The following GABRG3 variants were observed in gnomAD, a reference collection of about 807,000 sequenced individuals.
GABRG3 encodes gamma-aminobutyric acid type A receptor subunit gamma3.
Under a neutral mutation model 48.8 loss-of-function variants are expected in GABRG3, and 25 were observed. The ratio of observed to expected loss-of-function variants is 0.51; its 90% confidence interval spans 0.37 to 0.72. The LOEUF is 0.72. Ranked by LOEUF, GABRG3 falls within the 30% of genes least tolerant of loss-of-function variation. The pLI is 0.00. For missense variants in GABRG3, 394 were observed against 577.9 expected (o/e 0.68, Z 3.26); for synonymous variants, 227 against 217.6 (o/e 1.04, Z -0.38).
intron 3 of GABRG3, among the ~76,000 whole-genome samples, chr15:27,197,679 A>G (rs1398301734): frequency 6.6e-6 from 1 of 152,158 alleles, no homozygotes; most frequent in Non-Finnish European, 1.5e-5. Context: ...TTTTAGAAGG[A>G]ATGGTACCAG....
At chr15:27,036,589 C>G (rs1896182913) in intron 3 of GABRG3, among the ~76,000 whole-genome samples, 1 of 152,104 alleles carries the variant, frequency 6.6e-6, no homozygotes, top group Non-Finnish European at 1.5e-5. Context: ...ACTCAGGAGG[C>G]TGAGGCAGGA....
chr15:27,430,334 C>T (rs927787690), intron 5 of GABRG3, among the ~76,000 whole-genome samples: 3 of 152,110 alleles, frequency 2.0e-5, no homozygotes, highest in African/African-American at 7.2e-5. Flanking sequence ...TAAATAGTTT[C>T]TTGTATTCTG....
chr15:27,453,433 GC>G (rs1566847291), intron 5 of GABRG3, among the ~76,000 whole-genome samples: 1 of 152,090 alleles, frequency 6.6e-6, no homozygotes, highest in Admixed American at 6.5e-5. Flanking sequence ...ATTATATAAA[GC>G]TAGAAGAATA....
intron 5 of GABRG3, among the ~76,000 whole-genome samples, chr15:27,370,029 C>T (rs944082210): frequency 2.6e-5 from 4 of 152,044 alleles, no homozygotes; most frequent in African/African-American, 4.8e-5. Context: ...CCTTTTAGCA[C>T]GCTCTAATCA....
At chr15:27,289,087 G>T (rs1187116762) in intron 3 of GABRG3, among the ~76,000 whole-genome samples, 1 of 151,836 alleles carries the variant, frequency 6.6e-6, no homozygotes, top group East Asian at 1.9e-4. Context: ...TTGTTACTGT[G>T]TTTGAGATTT....
chr15:27,213,691 A>G (rs926605493), intron 3 of GABRG3, among the ~76,000 whole-genome samples: 2 of 152,250 alleles, frequency 1.3e-5, no homozygotes, highest in South Asian at 2.1e-4. Flanking sequence ...ACTTATGCAC[A>G]GAGCTTCTTA....
intron 3 of GABRG3, among the ~76,000 whole-genome samples, chr15:27,115,506 A>C (rs1897625590): frequency 6.6e-6 from 1 of 152,140 alleles, no homozygotes; most frequent in African/African-American, 2.4e-5. Context: ...CTCATCAATA[A>C]ACAATGCTGA....
chr15:27,255,027 C>G (rs1890568763), intron 3 of GABRG3, among the ~76,000 whole-genome samples: 1 of 152,196 alleles, frequency 6.6e-6, no homozygotes, highest in African/African-American at 2.4e-5. Context: ...TCTGATCCCT[C>G]TGCTCAGGCC....
chr15:27,379,482 AT>A (rs1895698937), intron 5 of GABRG3, among the ~76,000 whole-genome samples: 2 of 152,202 alleles, frequency 1.3e-5, no homozygotes, highest in Admixed American at 1.3e-4. Context: ...AAAATAAAAT[AT>A]TTTATTGTAT....
intron 9 of GABRG3, among the ~76,000 whole-genome samples, chr15:27,530,216 A>G (rs115956563): frequency 0.03 from 4,512 of 152,240 alleles, 247 homozygotes; most frequent in African/African-American, 0.1. Flanking sequence ...CTTTCCTAAC[A>G]TGTCAAATGC....
intron 3 of GABRG3, among the ~76,000 whole-genome samples, chr15:27,322,947 C>T (rs1343452854): frequency 1.3e-5 from 2 of 152,168 alleles, no homozygotes; most frequent in Non-Finnish European, 2.9e-5. Flanking sequence ...AGTCGCCTGG[C>T]ACAGAATGCA....
At position 27,235,021 on chromosome 15, in the gene GABRG3, G is replaced by C. The variant is rs374049514; in HGVS notation, c.271-91788G>C. Among the ~76,000 whole-genome samples, 4 of 152,228 alleles carry C rather than the reference G, an allele frequency of 2.6e-5. 1 individual carries two copies. Among genetic ancestry groups the C allele is most frequent in the African/African-American group, 9.6e-5 (4 of 41,518 alleles). ...TCTGGCCTGTTGGCTGAGGGCGTGG[G>C]GGGCTGTTTTGATCCCCTTTCTACC... On this transcript the variant is annotated intron_variant, in intron 3 of 9. Transcript: ENST00000615808.
chr15:27,289,573 A>G (rs1242401416), intron 3 of GABRG3, among the ~76,000 whole-genome samples: 1 of 152,222 alleles, frequency 6.6e-6, no homozygotes, highest in Non-Finnish European at 1.5e-5. Context: ...CAAAGAATCT[A>G]GGACTGTACA....
intron 6 of GABRG3, among the ~76,000 whole-genome samples, chr15:27,498,269 C>T (rs372531537): frequency 1.3e-5 from 2 of 152,056 alleles, no homozygotes; most frequent in African/African-American, 2.4e-5. Context: ...GCTGCTTTTA[C>T]GCTACACTTT....
At chr15:27,438,083 G>C (rs1322186049) in intron 5 of GABRG3, among the ~76,000 whole-genome samples, 1 of 152,128 alleles carries the variant, frequency 6.6e-6, no homozygotes, top group Non-Finnish European at 1.5e-5. Context: ...GATTTGGAGG[G>C]GACAAATATC....
At chr15:27,267,072 G>T in intron 3 of GABRG3, among the ~76,000 whole-genome samples, 1 of 147,458 alleles carries the variant, frequency 6.8e-6, no homozygotes, top group East Asian at 2.0e-4. Flanking sequence ...CATTGTTCCT[G>T]ATCTTAGGGG....
intron 3 of GABRG3, among the ~76,000 whole-genome samples, chr15:27,324,494 C>G (rs998637164): frequency 6.6e-6 from 1 of 152,196 alleles, no homozygotes; most frequent in African/African-American, 2.4e-5. Flanking sequence ...CCTCCATTGT[C>G]TGGGAATATA....
chr15:27,463,970 G>A (rs1219073431), intron 5 of GABRG3, among the ~76,000 whole-genome samples: 1 of 152,078 alleles, frequency 6.6e-6, no homozygotes, highest in Non-Finnish European at 1.5e-5. Context: ...GCTGTGTGTG[G>A]GTGTGCAAGT....
intron 5 of GABRG3, among the ~76,000 whole-genome samples, chr15:27,415,772 C>G (rs1887922940): frequency 6.6e-6 from 1 of 152,220 alleles, no homozygotes; most frequent in African/African-American, 2.4e-5. Flanking sequence ...GACCCCAATT[C>G]ACTCTGCCAA....
Sources: gnomAD v4.1 joint callset for allele counts (sites outside exome capture counted in the v4.1 genomes callset) on GRCh38, gnomAD v4.1.1 for gene constraint, MANE v1.5 for transcripts, NCBI Gene and HGNC (gene_info 2026-07-23, HGNC 2026-07-21) for gene names.